ZDHHC6: variants seen among roughly 807,000 people sequenced by gnomAD.
The protein encoded by ZDHHC6 is zDHHC palmitoyltransferase 6.
Under a neutral mutation model 57.8 loss-of-function variants are expected in ZDHHC6, and 32 were observed. The observed-to-expected ratio is 0.55, with a 90% CI of 0.42 to 0.74. The LOEUF (loss-of-function observed/expected upper bound fraction) is 0.74. Among genes scored for constraint, ZDHHC6 ranks in the 30% least tolerant of loss-of-function variants. The pLI, the probability that ZDHHC6 is intolerant of heterozygous loss-of-function variation, is 0.00. For missense variants in ZDHHC6, 433 were observed against 500.7 expected, an observed-to-expected ratio of 0.86 and a Z score of 1.29; for synonymous variants, 128 against 158.0, an observed-to-expected ratio of 0.81 and a Z score of 1.42.
chr10:112,426,458 CCAAA>C (rs1439315315), downstream of ZDHHC6: 9 of 973,118 alleles, frequency 9.2e-6, no homozygotes, highest in East Asian at 2.4e-5. Context: ...TGGCTGCAGC[CCAAA>C]CAGACTGAAT....
chr10:112,432,614 T>A, intron 8 of ZDHHC6, 93 bp from the exon 9 acceptor site: 1 of 1,475,164 alleles, frequency 6.8e-7, no homozygotes, highest in African/African-American at 1.4e-5. Context: ...AGATCCAAAA[T>A]ATCCAGTGAC....
At chr10:112,439,669 A>AAAAAAG (rs757796332) in intron 5 of ZDHHC6, among the ~76,000 whole-genome samples, 1 of 108,562 alleles carries the variant, frequency 9.2e-6, no homozygotes, top group African/African-American at 3.3e-5. Context: ...AAAAAAAAAA[A>AAAAAAG]GAATGAAAAA....
chr10:112,443,705 G>A, intron 2 of ZDHHC6, 99 bp from the exon 3 acceptor site: 1 of 871,558 alleles, frequency 1.1e-6, no homozygotes, highest in South Asian at 1.7e-5. Flanking sequence ...AGGGGAAGGA[G>A]AGAATCTTAA....
downstream of ZDHHC6, chr10:112,426,742 G>A: frequency 6.4e-7 from 1 of 1,569,036 alleles, no homozygotes; most frequent in Non-Finnish European, 8.8e-7. Context: ...TAGCCCTTCA[G>A]GCTTTTTGAA....
At chr10:112,428,384 T>C (rs1203648888), downstream of ZDHHC6, 1 of 398,518 alleles carries the variant, frequency 2.5e-6, no homozygotes, top group Non-Finnish European at 4.4e-6. Flanking sequence ...ATACTTACGT[T>C]GTGGTGTTTC....
chr10:112,445,988 C>T (rs1000718159), intron 1 of ZDHHC6, among the ~76,000 whole-genome samples: 3 of 152,184 alleles, frequency 2.0e-5, no homozygotes, highest in Non-Finnish European at 2.9e-5. Context: ...AATTCAGTTT[C>T]CTTCTTCATA....
At chr10:112,447,463 G>A (rs1846904567), upstream of ZDHHC6, 2 of 1,613,084 alleles carry the variant, frequency 1.2e-6, no homozygotes, top group Non-Finnish European at 1.7e-6. Flanking sequence ...CACGACTCCC[G>A]CCTGGTGAGA....
At chr10:112,425,061 G>A (rs1425590031) in exon 12 of ZDHHC6, 1 of 258,038 alleles carries the variant, frequency 3.9e-6, no homozygotes, top group East Asian at 6.8e-5. Flanking sequence ...TTTCTTCCTT[G>A]GATGAGGCAT....
At chr10:112,425,302 C>A, downstream of ZDHHC6, 1 of 1,570,198 alleles carries the variant, frequency 6.4e-7, no homozygotes. Flanking sequence ...ATCTCTGTGG[C>A]TCAAAAATAC....
At chr10:112,425,711 G>C, downstream of ZDHHC6, 1 of 394,594 alleles carries the variant, frequency 2.5e-6, no homozygotes, top group Non-Finnish European at 4.5e-6. Flanking sequence ...TGTTTAGAAT[G>C]GCTATACTAA....
chr10:112,435,471 G>A (rs993689574), intron 6 of ZDHHC6, among the ~76,000 whole-genome samples: 2 of 152,008 alleles, frequency 1.3e-5, no homozygotes, highest in Admixed American at 6.6e-5. Context: ...AGCAGCCTTG[G>A]TCATCCACAA....
intron 7 of ZDHHC6, among the ~76,000 whole-genome samples, chr10:112,434,012 A>C (rs1845285682): frequency 6.6e-6 from 1 of 152,176 alleles, no homozygotes; most frequent in African/African-American, 2.4e-5. Flanking sequence ...GGAATGTATA[A>C]GGAATTCATA....
At chr10:112,426,466 A>G (rs11598016), downstream of ZDHHC6, 20,631 of 904,192 alleles carry the variant, frequency 0.023, 293 homozygotes, top group Non-Finnish European at 0.028. Context: ...GCCCAAACAG[A>G]CTGAATAGTT....
At chr10:112,447,119 T>G (rs1589768361), upstream of ZDHHC6, 1 of 505,368 alleles carries the variant, frequency 2.0e-6, no homozygotes. Context: ...AGGCACTAAT[T>G]GGGGCGCTTT....
Position 112,434,470 on chromosome 10 carries a change from G to A in ZDHHC6, c.736-6C>T. The A allele has an allele frequency of 1.9e-6, 3 of 1,607,044 alleles. No individual in the cohort carries two copies. The highest frequency in any genetic ancestry group is 1.7e-4 in the Middle Eastern group (1 of 5,994). On this transcript the variant is annotated splice_polypyrimidine_tract_variant and splice_region_variant and intron_variant, in intron 6 of 10. Transcript: ENST00000369405. ...TACTGAATTCGATCTTTAGCCTGTG[G>A]GTAACAAAGATATAAGATGGCAGGT...
At chr10:112,424,734 T>C (rs533652189) in exon 12 of ZDHHC6, 9 of 152,312 alleles carry the variant, frequency 5.9e-5, no homozygotes, top group Admixed American at 5.9e-4. Flanking sequence ...ACAATTCAAA[T>C]CCCTAAAGAC....
chr10:112,433,115 G>A (rs1845190062), intron 8 of ZDHHC6, 125 bp downstream of exon 8: 2 of 690,724 alleles, frequency 2.9e-6, no homozygotes, highest in Non-Finnish European at 4.3e-6. Context: ...TTCAACAAAT[G>A]TATTAAGGAA....
intron 2 of ZDHHC6, among the ~76,000 whole-genome samples, 173 bp from the exon 3 acceptor site, chr10:112,443,779 G>T (rs1478259441): frequency 6.6e-6 from 1 of 152,164 alleles, no homozygotes; most frequent in African/African-American, 2.4e-5. Context: ...GGTAAGAGCA[G>T]CATCACTTTC....
intron 6 of ZDHHC6, among the ~76,000 whole-genome samples, chr10:112,436,866 T>A (rs1845583722): frequency 6.6e-6 from 1 of 152,146 alleles, no homozygotes; most frequent in African/African-American, 2.4e-5. Context: ...TGTGACAAAA[T>A]GAGAAGTATA....
Sources: gnomAD v4.1 joint callset for allele counts (sites outside exome capture counted in the v4.1 genomes callset) on GRCh38, gnomAD v4.1.1 for gene constraint, MANE v1.5 for transcripts, NCBI Gene and HGNC (gene_info 2026-07-23, HGNC 2026-07-21) for gene names.